NBAS: variants seen among roughly 807,000 people sequenced by gnomAD.
NBAS encodes the protein NAG/BC035112 fusion.
NBAS carries 219 observed loss-of-function variants against 302.5 expected under a neutral mutation model. The observed-to-expected ratio is 0.72, with a 90% CI of 0.65 to 0.81. The LOEUF (loss-of-function observed/expected upper bound fraction) is 0.81, where lower values mean the gene tolerates loss of function less well. Among genes scored for constraint, NBAS ranks in the 30% least tolerant of loss-of-function variants. NBAS has a pLI of 0.00. For synonymous variants in NBAS, 1,118 were observed against 1,021.6 expected (o/e 1.09, Z -1.80); for missense variants, 2,932 against 2,841.6 (o/e 1.03, Z -0.72).
the NBAS span, among the ~76,000 whole-genome samples, chr2:15,071,206 A>T: frequency 6.6e-6 from 1 of 152,244 alleles, no homozygotes; most frequent in Admixed American, 6.5e-5. Context: ...GATTCTCAAC[A>T]GGGAACAATG....
At chr2:15,224,732 C>G (rs1558452830) in intron 47 of NBAS, among the ~76,000 whole-genome samples, 1 of 152,194 alleles carries the variant, frequency 6.6e-6, no homozygotes. Context: ...CACTGCCTAC[C>G]TCCTCTGAAG....
the NBAS span, among the ~76,000 whole-genome samples, chr2:14,935,265 T>G: frequency 6.6e-6 from 1 of 152,214 alleles, no homozygotes; most frequent in Non-Finnish European, 1.5e-5. Flanking sequence ...TGATCGGTTT[T>G]TAGTTCTACC....
the NBAS span, among the ~76,000 whole-genome samples, chr2:14,807,545 A>T: frequency 6.6e-6 from 1 of 152,014 alleles, no homozygotes; most frequent in African/African-American, 2.4e-5. Flanking sequence ...CCACATAGGC[A>T]GTTTTGTTTA....
At chr2:15,537,861 T>C (rs1663595962) in intron 7 of NBAS, among the ~76,000 whole-genome samples, 1 of 152,224 alleles carries the variant, frequency 6.6e-6, no homozygotes, top group South Asian at 2.1e-4. Context: ...GTCAGTTTAA[T>C]TTGCAGGCCC....
At chr2:15,423,067 T>A (rs749080346) in intron 23 of NBAS, among the ~76,000 whole-genome samples, 14 of 152,354 alleles carry the variant, frequency 9.2e-5, no homozygotes, top group East Asian at 1.9e-4. Context: ...CAGTTTTTTT[T>A]ATACAGATTC....
intron 9 of NBAS, among the ~76,000 whole-genome samples, chr2:15,516,674 G>C (rs1368190693): frequency 6.8e-6 from 1 of 148,086 alleles, no homozygotes; most frequent in Admixed American, 6.8e-5. Context: ...AGTGAGCCGA[G>C]ATCGCTCCAC....
chr2:15,404,545 C>T (rs1384203219), intron 25 of NBAS, among the ~76,000 whole-genome samples: 13 of 150,394 alleles, frequency 8.6e-5, no homozygotes, highest in Non-Finnish European at 1.8e-4. Flanking sequence ...CAGAGTCTCG[C>T]TGTGTCGCCC....
chr2:15,034,222 G>GAAA, the NBAS span, among the ~76,000 whole-genome samples: 2 of 39,702 alleles, frequency 5.0e-5, no homozygotes, highest in African/African-American at 2.4e-4. Flanking sequence ...AAGAAAGAGA[G>GAAA]GGAAAGAAAG....
At chr2:15,547,771 T>C (rs1664184790) in intron 6 of NBAS, among the ~76,000 whole-genome samples, 1 of 152,140 alleles carries the variant, frequency 6.6e-6, no homozygotes, top group Admixed American at 6.5e-5. Context: ...ACCAAATTAT[T>C]CTTCTGGCAA....
intron 19 of NBAS, among the ~76,000 whole-genome samples, chr2:15,465,175 A>C (rs1383869036): frequency 6.6e-6 from 1 of 152,178 alleles, no homozygotes; most frequent in African/African-American, 2.4e-5. Flanking sequence ...TGACCTCTTC[A>C]ATGAGCCAGG....
rs773223545 is a variant in NBAS at position 15,238,581 on chromosome 2, C to T, written c.5830G>A (p.Ala1944Thr). ...GCATAGGTAACTTTAGAATCCTTAG[C>T]TTCTTGAGCTTCGTCTTCTGAGTTT... ...KRNSEDEAQE[A>T]KDSKVTYADT... is the part of the protein sequence containing the mutation. The change falls in exon 45 of 52, where the codon GCT becomes ACT. Residue 1944 changes from alanine (A) to threonine (T), a missense_variant. Transcript: ENST00000281513. The T allele has an allele frequency of 2.5e-5, 40 of 1,613,838 alleles. 1 individual carries two copies. In the South Asian group the frequency reaches 4.1e-4, roughly 16 times the overall value.
chr2:14,863,065 G>A, the NBAS span, among the ~76,000 whole-genome samples: 2 of 152,226 alleles, frequency 1.3e-5, no homozygotes, highest in African/African-American at 4.8e-5. Flanking sequence ...GTCTGGCAAA[G>A]CTTCACATTG....
At chr2:15,091,293 A>AGTTGACCCTCGAACAACATG in the NBAS span, among the ~76,000 whole-genome samples, 6 of 152,028 alleles carry the variant, frequency 3.9e-5, no homozygotes, top group East Asian at 5.9e-4. Context: ...CACTTCATAC[A>AGTTGACCCTCGAACAACATG]GTTTGAACTG....
the NBAS span, among the ~76,000 whole-genome samples, chr2:15,023,444 A>T: frequency 6.6e-6 from 1 of 152,070 alleles, no homozygotes; most frequent in Non-Finnish European, 1.5e-5. Context: ...AAAGATCAGC[A>T]TGAGTAGATC....
At chr2:15,047,180 C>T in the NBAS span, among the ~76,000 whole-genome samples, 1 of 152,242 alleles carries the variant, frequency 6.6e-6, no homozygotes, top group African/African-American at 2.4e-5. Flanking sequence ...CAGAGGTTTG[C>T]AACACATGAT....
At chr2:14,843,577 CACACA>C in the NBAS span, among the ~76,000 whole-genome samples, 4 of 139,356 alleles carry the variant, frequency 2.9e-5, no homozygotes, top group African/African-American at 1.3e-4. Context: ...CACACACACA[CACACA>C]AAAATACCTT....
the NBAS span, among the ~76,000 whole-genome samples, chr2:14,972,276 C>T: frequency 1.3e-5 from 2 of 151,924 alleles, no homozygotes; most frequent in Admixed American, 1.3e-4. Flanking sequence ...GGGAGGGGAA[C>T]AACACATACC....
intron 40 of NBAS, among the ~76,000 whole-genome samples, chr2:15,300,832 T>C (rs932045363): frequency 2.6e-5 from 4 of 152,216 alleles, no homozygotes; most frequent in African/African-American, 9.6e-5. Flanking sequence ...GAGGCGCCTC[T>C]GAGCTCAGAC....
rs530053497 is a variant in NBAS, at chr2:15,317,523, T to C, written c.4583-8276A>G. ...CTTGAAAAAGGGTTAGACGAATGTC[T>C]AACTAGAATAAACAGTGTAGAGAAG... On this transcript the variant is annotated intron_variant, in intron 38 of 51. Transcript: ENST00000281513. 4.6e-5 allele frequency among the ~76,000 whole-genome samples: 7 copies of C among 152,320 alleles called. No individual in the cohort carries two copies. The South Asian group carries it at 1.0e-3, about 23-fold the overall frequency.
Sources: allele counts gnomAD v4.1 joint callset (sites outside exome capture counted in the v4.1 genomes callset), GRCh38; gene constraint gnomAD v4.1.1; transcripts MANE v1.5; gene names NCBI Gene and HGNC (gene_info 2026-07-23, HGNC 2026-07-21).